The following NEMP2 variants were observed in gnomAD, a reference collection of about 807,000 sequenced individuals.
NEMP2 encodes the protein nuclear envelope integral membrane protein 2.
A neutral mutation model predicts 54.2 loss-of-function variants in NEMP2; 53 were observed. That is an observed-to-expected ratio of 0.98 (90% confidence interval 0.78 to 1.23). The LOEUF is 1.23. Among genes scored for constraint, NEMP2 ranks in the 50% most tolerant of loss-of-function variants. NEMP2 has a pLI of 0.00. For synonymous variants in NEMP2, 197 were observed against 190.3 expected (o/e 1.04, Z -0.29); for missense variants, 455 against 511.3 (o/e 0.89, Z 1.06).
the NEMP2 span, among the ~76,000 whole-genome samples, chr2:190,639,131 A>T: frequency 1.3e-5 from 2 of 152,242 alleles, no homozygotes; most frequent in Non-Finnish European, 2.9e-5. Flanking sequence ...AGTTCAAGCC[A>T]GCTCTATATC....
chr2:190,632,082 A>G, the NEMP2 span, among the ~76,000 whole-genome samples: 20 of 152,194 alleles, frequency 1.3e-4, no homozygotes, highest in South Asian at 3.9e-3. This position sits in a 1 kb window ranked among gnomAD's most constrained non-coding sequence, Gnocchi z 4.8. Flanking sequence ...AAAAGAAAAG[A>G]AAAGAAAAAG....
chr2:190,508,797 A>G lies in NEMP2; in HGVS notation c.*392T>C. 5.0e-6 allele frequency: 1 copy of G among 198,664 alleles called. No homozygotes were observed. The highest frequency in any genetic ancestry group is 1.0e-5 in the Non-Finnish European group (1 of 97,168). 12.3% of individuals were successfully genotyped at this position (198,664 alleles called of 1,614,324 possible). A position where few individuals can be genotyped will look rare whatever the true frequency, so the allele number is the denominator to read the frequency against. ...CTTTAAGGACTTATACTGACGAACT[A>G]TAGGAAGAGTATTGCAGAGTCTTCT... On this transcript the variant is annotated 3_prime_UTR_variant, in exon 9 of 9. Coordinates refer to ENST00000409150, the MANE Select transcript of NEMP2 (RefSeq NM_001142645.2). The surrounding 1 kb of genome is among the most constrained non-coding windows in gnomAD (Gnocchi z 4.3).
At chr2:190,575,822 C>T in the NEMP2 span, among the ~76,000 whole-genome samples, 1 of 151,588 alleles carries the variant, frequency 6.6e-6, no homozygotes, top group African/African-American at 2.4e-5. Context: ...TGTCACTGCA[C>T]TTCAGCCTGG....
the NEMP2 span, among the ~76,000 whole-genome samples, chr2:190,647,710 C>CTTTTTTTTTTT: frequency 7.9e-4 from 81 of 102,346 alleles, no homozygotes; most frequent in Non-Finnish European, 1.0e-3. Flanking sequence ...TCTTCTTCTT[C>CTTTTTTTTTTT]TTTTTTTTTT....
At chr2:190,619,226 C>T in the NEMP2 span, among the ~76,000 whole-genome samples, 1 of 151,544 alleles carries the variant, frequency 6.6e-6, no homozygotes, top group Non-Finnish European at 1.5e-5. The surrounding 1 kb of genome is among the most constrained non-coding windows in gnomAD (Gnocchi z 5.5). Flanking sequence ...TAAAAATAAA[C>T]AATTAGCTGG....
chr2:190,599,794 G>A, the NEMP2 span, among the ~76,000 whole-genome samples: 2 of 152,098 alleles, frequency 1.3e-5, no homozygotes, highest in South Asian at 2.1e-4. Flanking sequence ...AAGATGGCAC[G>A]TGGGCCTATT....
chr2:190,534,612 G>A lies in NEMP2; in HGVS notation c.44C>T (p.Pro15Leu). ...GCGCACGGGCAGTGTGGCCAGGGGC[G>A]GCAGCCAGAGCAGCAGCCACCACCG... ...QGRWWLLLWL[P>L]PLATLPVRGE... The change falls in exon 1 of 9, where the codon CCG becomes CTG. Residue 15 changes from proline (P) to leucine (L), a missense_variant. Transcript: ENST00000409150. 7.2e-7 allele frequency: 1 copy of A among 1,385,520 alleles called. No homozygotes were observed. The highest frequency in any genetic ancestry group is 9.3e-7 in the Non-Finnish European group (1 of 1,073,182). The allele number at this position is 1,385,520 out of a possible 1,614,324, so 85.8% of individuals were successfully genotyped here. A position where few individuals can be genotyped will look rare whatever the true frequency, so the allele number is the denominator to read the frequency against.
the NEMP2 span, among the ~76,000 whole-genome samples, chr2:190,459,014 G>A: frequency 6.6e-6 from 1 of 152,234 alleles, no homozygotes; most frequent in Non-Finnish European, 1.5e-5. The surrounding 1 kb of genome is among the most constrained non-coding windows in gnomAD (Gnocchi z 5.3). Flanking sequence ...GTCTGACGTA[G>A]AGAGTGGGTC....
At chr2:190,572,117 A>G in the NEMP2 span, among the ~76,000 whole-genome samples, 1 of 152,162 alleles carries the variant, frequency 6.6e-6, no homozygotes, top group Non-Finnish European at 1.5e-5. Context: ...AAATGTTCCC[A>G]CAAATAGAGA....
At chr2:190,592,896 T>A in the NEMP2 span, among the ~76,000 whole-genome samples, 1 of 152,206 alleles carries the variant, frequency 6.6e-6, no homozygotes, top group Non-Finnish European at 1.5e-5. This position sits in a 1 kb window ranked among gnomAD's most constrained non-coding sequence, Gnocchi z 4.4. Flanking sequence ...AATGTAAAAT[T>A]TCTTAAAAAT....
At chr2:190,457,300 C>T in the NEMP2 span, among the ~76,000 whole-genome samples, 1 of 152,178 alleles carries the variant, frequency 6.6e-6, no homozygotes, top group African/African-American at 2.4e-5. This position sits in a 1 kb window ranked among gnomAD's most constrained non-coding sequence, Gnocchi z 5.1. Flanking sequence ...AAAGAGCGAG[C>T]TGGATGCTAT....
At chr2:190,558,444 C>T in the NEMP2 span, among the ~76,000 whole-genome samples, 1 of 152,190 alleles carries the variant, frequency 6.6e-6, no homozygotes, top group African/African-American at 2.4e-5. This position sits in a 1 kb window ranked among gnomAD's most constrained non-coding sequence, Gnocchi z 4.4. Context: ...ACGTTGTGCA[C>T]ATGTACCCCA....
In NEMP2 at chr2:190,510,462, A is replaced by AGCTT; in HGVS notation, c.1025_1028dup (p.Asp344SerfsTer2). The AGCTT allele has an allele frequency of 6.4e-7, 1 of 1,551,838 alleles. No individual in the cohort carries two copies. The highest frequency in any genetic ancestry group is 8.7e-7 in the Non-Finnish European group (1 of 1,147,034). On this transcript the variant is annotated frameshift_variant, in exon 8 of 9. Transcript: ENST00000409150. LOFTEE classifies it high-confidence loss of function. This position sits in a 1 kb window ranked among gnomAD's most constrained non-coding sequence, Gnocchi z 5.7. ...CCAGAGCACTGTTCGTTTCAGCATC[A>AGCTT]GCTTGCTCCCTGTACTCGTCTTCCG...
At chr2:190,446,926 C>G in the NEMP2 span, among the ~76,000 whole-genome samples, 1 of 152,208 alleles carries the variant, frequency 6.6e-6, no homozygotes, top group Non-Finnish European at 1.5e-5. Flanking sequence ...GAGGATCTCT[C>G]CCAGTGCACT....
At chr2:190,484,543 A>G in the NEMP2 span, among the ~76,000 whole-genome samples, 3 of 152,138 alleles carry the variant, frequency 2.0e-5, no homozygotes, top group Non-Finnish European at 4.4e-5. Flanking sequence ...AGGGTTTTCA[A>G]GTTTCTAGGT....
chr2:190,554,169 A>G, the NEMP2 span, among the ~76,000 whole-genome samples: 6 of 152,194 alleles, frequency 3.9e-5, no homozygotes, highest in African/African-American at 1.4e-4. The surrounding 1 kb of genome is among the most constrained non-coding windows in gnomAD (Gnocchi z 5.7). Flanking sequence ...ACAGACCAGG[A>G]GAGTCCCTCC....
At chr2:190,558,734 T>C in the NEMP2 span, among the ~76,000 whole-genome samples, 1 of 152,150 alleles carries the variant, frequency 6.6e-6, no homozygotes. The surrounding 1 kb of genome is among the most constrained non-coding windows in gnomAD (Gnocchi z 4.4). Flanking sequence ...CTTTATTATG[T>C]GGAAAAAGAG....
the NEMP2 span, among the ~76,000 whole-genome samples, chr2:190,587,126 C>T: frequency 6.6e-6 from 1 of 152,214 alleles, no homozygotes; most frequent in East Asian, 1.9e-4. This position sits in a 1 kb window ranked among gnomAD's most constrained non-coding sequence, Gnocchi z 5.4. Context: ...CTGATCGAGA[C>T]ACTTTTCTGT....
rs1226093976 is a variant in NEMP2 at position 190,521,753 on chromosome 2, T to G, written c.214-2570A>C. On this transcript the variant is annotated intron_variant, in intron 2 of 8. Coordinates refer to ENST00000409150, the MANE Select transcript of NEMP2 (RefSeq NM_001142645.2). The surrounding 1 kb of genome is among the most constrained non-coding windows in gnomAD (Gnocchi z 6.2). ...CCCAATTAATTCTCAGTCATCTTATTTGACCTGTCAACAGCACTTGGCATT... is the reference window on the plus strand; with the variant it reads ...CCCAATTAATTCTCAGTCATCTTATGTGACCTGTCAACAGCACTTGGCATT... Among the ~76,000 whole-genome samples, 2 of 152,228 alleles carry G rather than the reference T, an allele frequency of 1.3e-5. No individual in the cohort carries two copies. Among genetic ancestry groups the G allele is most frequent in the Non-Finnish European group, 2.9e-5 (2 of 68,026 alleles).
Sources: allele counts gnomAD v4.1 joint callset (sites outside exome capture counted in the v4.1 genomes callset), GRCh38; gene constraint gnomAD v4.1.1; non-coding constraint Gnocchi (gnomAD v3.1); transcripts MANE v1.5; gene names NCBI Gene and HGNC (gene_info 2026-07-23, HGNC 2026-07-21).